XKR9: variants seen among roughly 807,000 people sequenced by gnomAD.
The protein encoded by XKR9 is XK-related protein 9.
In XKR9, 32 loss-of-function variants were observed where a neutral mutation model predicts 32.0. The observed-to-expected ratio is 1.00, with a 90% CI of 0.76 to 1.34. The LOEUF (loss-of-function observed/expected upper bound fraction) is 1.34. Ranked by LOEUF, XKR9 falls within the 40% of genes most tolerant of loss-of-function variation. The pLI is 0.00. For synonymous variants in XKR9, 168 were observed against 143.4 expected, an observed-to-expected ratio of 1.17 and a Z score of -1.22; for missense variants, 546 against 429.7, an observed-to-expected ratio of 1.27 and a Z score of -2.39.
downstream of XKR9, among the ~76,000 whole-genome samples, chr8:70,740,826 A>T (rs559100034): frequency 1.9e-3 from 292 of 152,260 alleles, no homozygotes; most frequent in African/African-American, 6.8e-3. Flanking sequence ...TTCCTCTGAA[A>T]GTTTTGTCTC....
At chr8:70,796,667 A>G in the XKR9 span, among the ~76,000 whole-genome samples, 13 of 152,326 alleles carry the variant, frequency 8.5e-5, no homozygotes, top group African/African-American at 3.1e-4. Context: ...TTTGTAAAGC[A>G]TATCACTGTA....
chr8:70,736,128 G>A (rs1363293120), downstream of XKR9, among the ~76,000 whole-genome samples: 5 of 151,966 alleles, frequency 3.3e-5, no homozygotes, highest in African/African-American at 1.2e-4. Flanking sequence ...AGCACCTGTT[G>A]TTTCCTGACT....
the XKR9 span, among the ~76,000 whole-genome samples, chr8:70,861,463 C>A: frequency 2.7e-5 from 4 of 150,514 alleles, no homozygotes; most frequent in Admixed American, 6.6e-5. Flanking sequence ...TCAGCCTAGG[C>A]AGCAAAGCTA....
intron 2 of XKR9, among the ~76,000 whole-genome samples, chr8:70,750,096 C>T (rs1807117688): frequency 1.3e-5 from 2 of 152,162 alleles, no homozygotes; most frequent in South Asian, 2.1e-4. Context: ...TATTATTTCT[C>T]TTATTTTTTT....
chr8:70,960,414 C>G, the XKR9 span, among the ~76,000 whole-genome samples: 1 of 152,156 alleles, frequency 6.6e-6, no homozygotes, highest in Non-Finnish European at 1.5e-5. Context: ...GACACATGAC[C>G]TAGACTTGTC....
the XKR9 span, among the ~76,000 whole-genome samples, chr8:70,953,790 C>A: frequency 1.3e-5 from 2 of 152,192 alleles, no homozygotes; most frequent in Non-Finnish European, 2.9e-5. Flanking sequence ...CCCCACTGAT[C>A]ACTTTGGCTC....
the XKR9 span, among the ~76,000 whole-genome samples, chr8:71,038,993 G>A: frequency 3.0e-4 from 46 of 151,798 alleles, no homozygotes; most frequent in African/African-American, 1.1e-3. Context: ...TAGTAGAGAC[G>A]GGGTTTCACC....
intron 2 of XKR9, among the ~76,000 whole-genome samples, chr8:70,752,017 A>C (rs1244726164): frequency 6.6e-6 from 1 of 152,198 alleles, no homozygotes; most frequent in East Asian, 1.9e-4. Context: ...CATTTGTGTA[A>C]GCCAATTCCT....
chr8:70,819,139 A>T, the XKR9 span, among the ~76,000 whole-genome samples: 1 of 152,168 alleles, frequency 6.6e-6, no homozygotes, highest in South Asian at 2.1e-4. Context: ...CTGTTCTTTC[A>T]CGCCCTTGAG....
At chr8:70,701,932 G>A (rs1474215597) in intron 3 of XKR9, among the ~76,000 whole-genome samples, 2 of 152,026 alleles carry the variant, frequency 1.3e-5, no homozygotes, top group African/African-American at 4.8e-5. Context: ...TTCTTTTGAT[G>A]GATATATGAA....
chr8:70,843,641 G>A, the XKR9 span, among the ~76,000 whole-genome samples: 1 of 152,198 alleles, frequency 6.6e-6, no homozygotes, highest in Non-Finnish European at 1.5e-5. Context: ...AACCTGGGGA[G>A]GTTCCCTAAT....
intron 4 of XKR9, among the ~76,000 whole-genome samples, chr8:70,724,091 A>G (rs1440055622): frequency 6.6e-6 from 1 of 151,976 alleles, no homozygotes; most frequent in Non-Finnish European, 1.5e-5. Flanking sequence ...GCCCAGTGAG[A>G]AGGAATCTAG....
chr8:70,951,456 C>T, the XKR9 span, among the ~76,000 whole-genome samples: 2 of 152,244 alleles, frequency 1.3e-5, no homozygotes, highest in Non-Finnish European at 2.9e-5. Flanking sequence ...GGCCTGGCCA[C>T]TCCTCAGCAG....
chr8:71,026,721 T>A, the XKR9 span, among the ~76,000 whole-genome samples: 1 of 152,218 alleles, frequency 6.6e-6, no homozygotes, highest in Non-Finnish European at 1.5e-5. Context: ...AAAATGATAT[T>A]TATTATTCTA....
At chr8:71,043,708 A>G in the XKR9 span, among the ~76,000 whole-genome samples, 1 of 152,166 alleles carries the variant, frequency 6.6e-6, no homozygotes, top group African/African-American at 2.4e-5. Flanking sequence ...TGACACTTCA[A>G]TCTGGCAATT....
chr8:70,841,945 C>T, the XKR9 span, among the ~76,000 whole-genome samples: 2 of 152,164 alleles, frequency 1.3e-5, no homozygotes, highest in Non-Finnish European at 2.9e-5. Flanking sequence ...ATCTGTTCCT[C>T]ATCTCACTCT....
the XKR9 span, among the ~76,000 whole-genome samples, chr8:70,894,265 C>A: frequency 6.6e-6 from 1 of 151,456 alleles, no homozygotes. Context: ...CAGCAAGTAC[C>A]CCAAAATGGC....
the XKR9 span, among the ~76,000 whole-genome samples, chr8:70,911,817 A>C: frequency 6.6e-6 from 1 of 152,160 alleles, no homozygotes; most frequent in East Asian, 1.9e-4. Context: ...TTTAGGTATA[A>C]ACCTGAGTAA....
chr8:70,879,466 T>A, the XKR9 span, among the ~76,000 whole-genome samples: 1 of 151,950 alleles, frequency 6.6e-6, no homozygotes, highest in Non-Finnish European at 1.5e-5. Flanking sequence ...TAAAAAATGA[T>A]AAAAGGGATA....
Sources: allele counts gnomAD v4.1 joint callset (sites outside exome capture counted in the v4.1 genomes callset), GRCh38; gene constraint gnomAD v4.1.1; transcripts MANE v1.5; gene names NCBI Gene and HGNC (gene_info 2026-07-23, HGNC 2026-07-21).